ZNF875: variants seen among roughly 807,000 people sequenced by gnomAD.
The protein encoded by ZNF875 is HKR1, GLI-Kruppel zinc finger family member.
ZNF875 carries 14 observed loss-of-function variants against 11.2 expected under a neutral mutation model. The observed-to-expected ratio is 1.26, with a 90% CI of 0.83 to 1.96. The LOEUF (loss-of-function observed/expected upper bound fraction) is 1.96. ZNF875 is among the 30% of genes most tolerant of loss of function. The pLI, the probability that ZNF875 is intolerant of heterozygous loss-of-function variation, is 0.00. For synonymous variants in ZNF875, 301 were observed against 281.1 expected (o/e 1.07, Z -0.71); for missense variants, 752 against 760.4 (o/e 0.99, Z 0.13).
At position 37,363,209 on chromosome 19, in the gene ZNF875, C is replaced by T. The variant is rs781669442; in HGVS notation, c.1357C>T (p.Leu453=). The change falls in exon 5 of 5, where the codon CTG becomes TTG. Residue 453 remains leucine, a synonymous_variant. Coordinates refer to ENST00000392153, the MANE Select transcript of ZNF875 (RefSeq NM_001353803.2). ...THSGVKPYVC[L]ECGQCFSLKS... ...CTCAGGGGTTAAACCTTATGTCTGC[C>T]TGGAGTGCGGGCAGTGCTTTAGCCT... is the stretch of plus-strand genomic sequence containing the variant. 1.2e-6 allele frequency: 2 copies of T among 1,608,814 alleles called. No individual in the cohort carries two copies. Among genetic ancestry groups the T allele is most frequent in the East Asian group, 4.5e-5 (2 of 44,470 alleles).
chr19:37,362,276 C>A lies in ZNF875; in HGVS notation c.424C>A (p.Gln142Lys). The A allele has an allele frequency of 1.2e-6, 2 of 1,614,166 alleles. No homozygotes were observed. The highest frequency in any genetic ancestry group is 1.7e-6 in the Non-Finnish European group (2 of 1,180,024). ...GKHYPEDQKQ[Q>K]QDPFCFSGKA... is the part of the protein sequence containing the mutation. ...ACACTATCCAGAAGATCAGAAACAA[C>A]AGCAGGATCCATTCTGCTTTAGTGG... The change falls in exon 5 of 5, where the codon CAG becomes AAG. Residue 142 changes from glutamine to lysine, a missense_variant. By Grantham distance (53) the Gln-to-Lys change is moderately conservative. Transcript: ENST00000392153.
chr19:37,357,313 G>C (rs544561494), intron 4 of ZNF875, among the ~76,000 whole-genome samples: 1 of 152,256 alleles, frequency 6.6e-6, no homozygotes, highest in South Asian at 2.1e-4. Flanking sequence ...GGCTTTGTTG[G>C]TCCCATATGA....
chr19:37,357,959 TA>T (rs2039202273), intron 4 of ZNF875: 1 of 398,250 alleles, frequency 2.5e-6, no homozygotes, highest in Non-Finnish European at 4.4e-6. Flanking sequence ...TTCCACTTCT[TA>T]GGGGGAATGG....
intron 2 of ZNF875, among the ~76,000 whole-genome samples, chr19:37,323,340 G>A (rs1317454582): frequency 6.6e-6 from 1 of 151,982 alleles, no homozygotes; most frequent in African/African-American, 2.4e-5. Flanking sequence ...ATTTTTAGTG[G>A]AGACGGGGTT....
At chr19:37,359,219 A>C (rs2039488858) in intron 4 of ZNF875, among the ~76,000 whole-genome samples, 1 of 151,978 alleles carries the variant, frequency 6.6e-6, no homozygotes, top group Non-Finnish European at 1.5e-5. Flanking sequence ...CAGTTCAATA[A>C]TTTTTAGTAA....
upstream of ZNF875, among the ~76,000 whole-genome samples, chr19:37,316,037 T>A (rs183198038): frequency 2.0e-4 from 31 of 152,288 alleles, no homozygotes; most frequent in Admixed American, 5.2e-4. Context: ...TTCTTCAACG[T>A]TTAACTTATG....
intron 4 of ZNF875, 63 bp downstream of exon 4, chr19:37,347,935 A>G: frequency 1.1e-6 from 1 of 939,210 alleles, no homozygotes; most frequent in Non-Finnish European, 1.7e-6. Flanking sequence ...AGGAGGAGGC[A>G]TCTCTCAGAT....
rs1481261307 is a variant in ZNF875 at position 37,363,825 on chromosome 19, A to C, written c.*50A>C. On this transcript the variant is annotated 3_prime_UTR_variant, in exon 5 of 5. Coordinates refer to ENST00000392153, the MANE Select transcript of ZNF875 (RefSeq NM_001353803.2). ...GGTACAGCCTTTAGCCAGGAGTCAT[A>C]CTTCATCAGACACCAGAGGACACAC... 1 of 1,460,490 alleles carries C rather than the reference A, an allele frequency of 6.8e-7. No individual in the cohort carries two copies. The highest frequency in any genetic ancestry group is 9.5e-7 in the Non-Finnish European group (1 of 1,048,964). The allele number at this position is 1,460,490 out of a possible 1,614,324, so 90.5% of individuals were successfully genotyped here.
At chr19:37,342,330 C>T (rs867712087) in intron 2 of ZNF875, among the ~76,000 whole-genome samples, 32 of 152,078 alleles carry the variant, frequency 2.1e-4, no homozygotes, top group African/African-American at 6.5e-4. Context: ...CTCTGAATTA[C>T]GCTTGCAAGC....
At position 37,363,820 on chromosome 19, in the gene ZNF875, G is replaced by T. The variant is rs1214710195; in HGVS notation, c.*45G>T. The stretch of plus-strand genomic sequence containing the variant: ...AATGTGGTACAGCCTTTAGCCAGGA[G>T]TCATACTTCATCAGACACCAGAGGA... On this transcript the variant is annotated 3_prime_UTR_variant, in exon 5 of 5. Transcript: ENST00000392153. 6.6e-7 allele frequency: 1 copy of T among 1,524,428 alleles called. No individual in the cohort carries two copies. Among genetic ancestry groups the T allele is most frequent in the Non-Finnish European group, 9.1e-7 (1 of 1,104,870 alleles). 94.4% of individuals were successfully genotyped at this position (1,524,428 alleles called of 1,614,324 possible).
At chr19:37,316,661 C>G (rs529787747), upstream of ZNF875, among the ~76,000 whole-genome samples, 11 of 149,944 alleles carry the variant, frequency 7.3e-5, no homozygotes, top group South Asian at 2.1e-4. Flanking sequence ...TGAGCCACTG[C>G]GCCCGGCCTA....
intron 4 of ZNF875, among the ~76,000 whole-genome samples, chr19:37,350,642 A>C (rs561280371): frequency 1.2e-4 from 18 of 151,908 alleles, no homozygotes; most frequent in African/African-American, 4.3e-4. Flanking sequence ...GTAGTATGAA[A>C]TTTCATTACA....
chr19:37,346,279 T>A (rs1253005557), intron 2 of ZNF875: 1 of 152,222 alleles, frequency 6.6e-6, no homozygotes, highest in Non-Finnish European at 1.5e-5. Flanking sequence ...AGCACTGTTA[T>A]TTTTAGTTCG....
chr19:37,327,107 C>G lies in ZNF875; in HGVS notation c.-603+2842C>G, dbSNP rs189942283. ...CCTGGGTCCAAGCAGTTCTCCCTGCCTCAGCCTCTCGAGTAGCTGGGATTA... is the reference window on the plus strand; with the variant it reads ...CCTGGGTCCAAGCAGTTCTCCCTGCGTCAGCCTCTCGAGTAGCTGGGATTA... On this transcript the variant is annotated intron_variant, in intron 4 of 5. Transcript: ENST00000544914. Among the ~76,000 whole-genome samples, 673 of 152,104 alleles carry G rather than the reference C, an allele frequency of 4.4e-3. 4 individuals are homozygous for G. Among genetic ancestry groups the G allele is most frequent in the African/African-American group, 0.015 (627 of 41,494 alleles).
intron 4 of ZNF875, among the ~76,000 whole-genome samples, chr19:37,329,507 A>T (rs925601333): frequency 9.9e-5 from 15 of 152,150 alleles, no homozygotes; most frequent in African/African-American, 3.6e-4. Context: ...GTGTAAGTGC[A>T]GTTTGTCTCT....
intron 4 of ZNF875, among the ~76,000 whole-genome samples, chr19:37,325,800 G>A (rs1423853907): frequency 1.3e-5 from 2 of 152,064 alleles, no homozygotes; most frequent in East Asian, 3.9e-4. Context: ...CTCGATATCT[G>A]GGGCCGAAAT....
At chr19:37,337,440 A>G (rs1183215924) in intron 2 of ZNF875, 1 of 152,164 alleles carries the variant, frequency 6.6e-6, no homozygotes, top group East Asian at 1.9e-4. Flanking sequence ...GACTGTGTAT[A>G]AGGACTTAAG....
At chr19:37,334,337 G>A (rs2033843940), upstream of ZNF875, among the ~76,000 whole-genome samples, 1 of 152,208 alleles carries the variant, frequency 6.6e-6, no homozygotes, top group African/African-American at 2.4e-5. Context: ...CCCGCACCTT[G>A]AAGGTCAGCG....
chr19:37,350,608 C>CT (rs910625854), intron 4 of ZNF875, among the ~76,000 whole-genome samples: 2 of 151,520 alleles, frequency 1.3e-5, no homozygotes, highest in African/African-American at 4.9e-5. Flanking sequence ...TGCATGTACT[C>CT]TTTTTTTTAA....
Sources: allele counts gnomAD v4.1 joint callset (sites outside exome capture counted in the v4.1 genomes callset), GRCh38; gene constraint gnomAD v4.1.1; transcripts MANE v1.5; gene names NCBI Gene and HGNC (gene_info 2026-07-23, HGNC 2026-07-21).